The following ABCB8 variants were observed in gnomAD, a reference collection of about 807,000 sequenced individuals.
ABCB8 encodes the protein mitochondrial potassium channel ATP-binding subunit.
In ABCB8, 52 loss-of-function variants were observed where a neutral mutation model predicts 73.0. That is an observed-to-expected ratio of 0.71 (90% CI 0.57 to 0.90). The LOEUF (loss-of-function observed/expected upper bound fraction) is 0.90. Among genes scored for constraint, ABCB8 ranks in the 40% least tolerant of loss-of-function variants. The pLI is 0.00. For missense variants in ABCB8, 909 were observed against 974.6 expected (o/e 0.93, Z 0.90); for synonymous variants, 428 against 423.5 (o/e 1.01, Z -0.13).
chr7:151,037,393 C>G (rs1464343551), intron 9 of ABCB8: 1 of 699,114 alleles, frequency 1.4e-6, no homozygotes, highest in Non-Finnish European at 2.6e-6. Flanking sequence ...CCCCACACAC[C>G]CCACCCTTAT....
intron 13 of ABCB8, 88 bp downstream of exon 13, chr7:151,041,320 T>G: frequency 6.9e-7 from 1 of 1,444,014 alleles, no homozygotes; most frequent in Non-Finnish European, 9.1e-7. Flanking sequence ...CTTTTCTTTC[T>G]TTCCCACCCT....
At position 151,040,505 on chromosome 7, in the gene ABCB8, G is replaced by C. The variant is rs772895911; in HGVS notation, c.1259G>C (p.Arg420Pro). 3 of 1,610,708 alleles carry C rather than the reference G, an allele frequency of 1.9e-6. No homozygotes were observed. The highest frequency in any genetic ancestry group is 2.2e-5 in the East Asian group (1 of 44,762). Residue 420 changes from arginine (R) to proline (P), a missense_variant, in exon 11 of 16, where the codon CGG becomes CCG. Arg to Pro is a moderately radical substitution (Grantham distance 103). Coordinates refer to ENST00000358849, the MANE Select transcript of ABCB8 (RefSeq NM_007188.5). ...TTGGATCCCCTCCCACAGGTGGTCC[G>C]GGGGCTGAGTGCAGGTGCCCGGGTC... ...NLSVLFGQVV[R>P]GLSAGARVFE...
At chr7:151,028,771 T>A (rs1796046800) in intron 1 of ABCB8, 161 bp downstream of exon 1, 1 of 1,536,756 alleles carries the variant, frequency 6.5e-7, no homozygotes, top group Non-Finnish European at 8.7e-7. Flanking sequence ...TGGCCTCAAT[T>A]ATTTATAGTG....
chr7:151,043,508 T>C (rs373281459), intron 14 of ABCB8, among the ~76,000 whole-genome samples: 105 of 52,602 alleles, frequency 2.0e-3, no homozygotes, highest in Admixed American at 3.3e-3. Flanking sequence ...GTGCACAGTG[T>C]GGGGTGGAGG....
At chr7:151,028,938 C>G in intron 1 of ABCB8, 1 of 1,342,142 alleles carries the variant, frequency 7.5e-7, no homozygotes, top group South Asian at 1.2e-5. Flanking sequence ...GACGAAAATT[C>G]TTATTAGTAT....
At position 151,034,332 on chromosome 7, in the gene ABCB8, A is replaced by G. The variant is rs780514420; in HGVS notation, c.468A>G (p.Val156=). 4.8e-5 allele frequency: 78 copies of G among 1,613,696 alleles called. No homozygotes were observed. Among genetic ancestry groups the G allele is most frequent in the Non-Finnish European group, 5.9e-5 (70 of 1,179,998 alleles). ...VQIPLLLGQL[V]EVVAKYTRDH... ...TCCCCCTGCTCCTGGGCCAGCTGGT[A>G]GAGGTCGTGGCCAAGTACACAAGGG... Residue 156 remains valine (V), a synonymous_variant, in exon 3 of 16, where the codon GTA becomes GTG. Coordinates refer to ENST00000358849, the MANE Select transcript of ABCB8 (RefSeq NM_007188.5).
intron 2 of ABCB8, 143 bp from the exon 3 acceptor site, chr7:151,034,130 C>T (rs1753267962): frequency 8.7e-7 from 1 of 1,144,678 alleles, no homozygotes; most frequent in Non-Finnish European, 1.2e-6. Context: ...CTCTGAGAGG[C>T]ACTGATGTGT....
At position 151,045,360 on chromosome 7, in the gene ABCB8, C is replaced by T. The variant is rs1022909866; in HGVS notation, c.*11C>T. On this transcript the variant is annotated 3_prime_UTR_variant, in exon 16 of 16. Coordinates refer to ENST00000358849, the MANE Select transcript of ABCB8 (RefSeq NM_007188.5). ...CAGCACAAGTCCTGAGAAGGGCCCC[C>T]TGAGGTGTGGTCGCTGCCAAGCATC... The T allele has an allele frequency of 9.2e-6, 14 of 1,527,154 alleles. No homozygotes were observed. The highest frequency in any genetic ancestry group is 1.4e-5 in the African/African-American group (1 of 70,958). 94.6% of individuals were successfully genotyped at this position (1,527,154 alleles called of 1,614,324 possible).
rs751693004 is a variant in ABCB8, at chr7:151,045,224, G to A, written c.2032G>A (p.Glu678Lys). The change falls in exon 16 of 16, where the codon GAG (glutamate) becomes AAG (lysine). Residue 678 changes from glutamate (E) to lysine (K), a missense_variant. Physicochemically the swap from Glu to Lys is moderately conservative, Grantham distance 56. Transcript: ENST00000358849. ...GRVWEAGTHE[E>K]LLKKGGLYAE... ...CATCTTCCAGGCTGGGACACATGAA[G>A]AGCTCCTGAAGAAAGGCGGGCTATA... 3.8e-6 allele frequency: 6 copies of A among 1,587,666 alleles called. No individual in the cohort carries two copies. Among genetic ancestry groups the A allele is most frequent in the Non-Finnish European group, 5.1e-6 (6 of 1,165,192 alleles).
chr7:151,040,274 G>A lies in ABCB8; in HGVS notation c.1224G>A (p.Met408Ile). 1 of 1,612,946 alleles carries A rather than the reference G, an allele frequency of 6.2e-7. No individual in the cohort carries two copies. The highest frequency in any genetic ancestry group is 8.5e-7 in the Non-Finnish European group (1 of 1,179,518). Reference sequence around the variant, plus strand: ...TCTCTCCTTTTTCTGACAGGTCCATGGCCAACCTCTCTGTCCTGTTTGGGC... The same window carrying A: ...TCTCTCCTTTTTCTGACAGGTCCATAGCCAACCTCTCTGTCCTGTTTGGGC... Reference protein sequence around the residue: ...LVASQTVQRSMANLSVLFGQV... With the variant: ...LVASQTVQRSIANLSVLFGQV... The change falls in exon 10 of 16, where the codon ATG becomes ATA. Residue 408 changes from methionine (M) to isoleucine (I), a missense_variant. Coordinates refer to ENST00000358849, the MANE Select transcript of ABCB8 (RefSeq NM_007188.5).
In ABCB8 at chr7:151,040,724, C is replaced by T; in HGVS notation, c.1388+90C>T. 7 of 1,601,628 alleles carry T rather than the reference C, an allele frequency of 4.4e-6. No individual in the cohort carries two copies. The South Asian group carries it at 7.7e-5, about 18-fold the overall frequency. On this transcript the variant is annotated intron_variant, in intron 11 of 15. Transcript: ENST00000358849. The stretch of plus-strand genomic sequence containing the variant: ...GGGTGGAGGTCTGGACTAATGTCCC[C>T]CATAAACAGGCCCTCTCAGAGGGCT...
Position 151,034,730 on chromosome 7 carries a change from C to T in ABCB8, c.666C>T (p.Asp222=). Residue 222 remains aspartate, a synonymous_variant, in exon 5 of 16, where the codon GAC becomes GAT. Transcript: ENST00000358849. ...GGTTCTTGTCCCATGCCAGACAAGA[C>T]ATCACCTTCTTTGACGCCAATAAGA... ...RALFSSLLRQ[D]ITFFDANKTG... 3.1e-6 allele frequency: 5 copies of T among 1,614,020 alleles called. No individual in the cohort carries two copies. The highest frequency in any genetic ancestry group is 4.2e-6 in the Non-Finnish European group (5 of 1,179,898).
In ABCB8 at chr7:151,034,825, C is replaced by T; in HGVS notation, c.761C>T (p.Ser254Phe). Residue 254 changes from serine (S) to phenylalanine (F), a missense_variant, in exon 5 of 16, where the codon TCC (serine) becomes TTC (phenylalanine). By Grantham distance (155) the Ser-to-Phe change is radical. Coordinates refer to ENST00000358849, the MANE Select transcript of ABCB8 (RefSeq NM_007188.5). ...AAGTCATCCTTCAAGCTTGTCATCT[C>T]CCAGGTCAGTGGCCCAGTGGCCCCC... is the stretch of plus-strand genomic sequence containing the variant. ...EFKSSFKLVI[S>F]QGLRSCTQVA... 3 of 1,613,016 alleles carry T rather than the reference C, an allele frequency of 1.9e-6. No homozygotes were observed. The highest frequency in any genetic ancestry group is 2.5e-6 in the Non-Finnish European group (3 of 1,179,466).
chr7:151,036,463 C>T lies in ABCB8; in HGVS notation c.1112-81C>T, dbSNP rs1323891796. ...CCAGTCATGCGCCTCACCTGACTCT[C>T]CCAGTCAGCAGTGGCAGAGCAGGCC... On this transcript the variant is annotated intron_variant, in intron 8 of 15. Coordinates refer to ENST00000358849, the MANE Select transcript of ABCB8 (RefSeq NM_007188.5). 3.9e-6 allele frequency: 5 copies of T among 1,267,754 alleles called. No individual in the cohort carries two copies. The East Asian group carries it at 1.2e-4, about 29-fold the overall frequency. 78.5% of individuals were successfully genotyped at this position (1,267,754 alleles called of 1,614,324 possible). A position where few individuals can be genotyped will look rare whatever the true frequency, so the allele number is the denominator to read the frequency against.
At chr7:151,040,142 GA>G (rs893867623) in intron 9 of ABCB8, 125 bp from the exon 10 acceptor site, 99 of 1,088,698 alleles carry the variant, frequency 9.1e-5, no homozygotes, top group Non-Finnish European at 1.2e-4. Flanking sequence ...CATGGTGCAG[GA>G]GCAGTCTCTG....
chr7:151,028,685 A>G (rs1796043395), intron 1 of ABCB8, 75 bp downstream of exon 1: 1 of 1,573,266 alleles, frequency 6.4e-7, no homozygotes, highest in Non-Finnish European at 8.6e-7. Flanking sequence ...CGGGAGATGG[A>G]GTCCACGAGC....
rs748821109 is a variant in ABCB8, at chr7:151,041,055, C to T, written c.1484-44C>T. On this transcript the variant is annotated intron_variant, in intron 12 of 15. Transcript: ENST00000358849. ...AAGGGGCCTTCTTTCCTGGGACAAT[C>T]CCTAGAATCCCTGGCCTCCCTCCCT... 2.5e-6 allele frequency: 4 copies of T among 1,613,310 alleles called. No individual in the cohort carries two copies. The Admixed American group carries it at 6.7e-5, about 27-fold the overall frequency.
rs377214975 is a variant in ABCB8, at chr7:151,036,131, A to G, written c.1072A>G (p.Ile358Val). 14 of 1,613,348 alleles carry G rather than the reference A, an allele frequency of 8.7e-6. No homozygotes were observed. The highest frequency in any genetic ancestry group is 5.3e-5 in the African/African-American group (4 of 74,946). ...CCGGGCAGAGGAGCTGGGCCGCGGC[A>G]TCGCCTTGTTCCAAGGGCTTTCCAA... Reference protein sequence around the residue: ...RCRAEELGRGIALFQGLSNIA... With the variant: ...RCRAEELGRGVALFQGLSNIA... The change falls in exon 8 of 16, where the codon ATC (isoleucine) becomes GTC (valine). Residue 358 changes from isoleucine (I) to valine (V), a missense_variant. Ile to Val is a conservative substitution (Grantham distance 29). Transcript: ENST00000358849.
chr7:151,031,441 C>T (rs752228008), intron 1 of ABCB8: 30 of 1,066,858 alleles, frequency 2.8e-5, no homozygotes, highest in Non-Finnish European at 3.8e-5. Context: ...ATGAAGACTG[C>T]AATTAGAAGG....
Sources: gnomAD v4.1 joint callset for allele counts (sites outside exome capture counted in the v4.1 genomes callset) on GRCh38, gnomAD v4.1.1 for gene constraint, MANE v1.5 for transcripts, NCBI Gene and HGNC (gene_info 2026-07-23, HGNC 2026-07-21) for gene names.